TLN2: variants seen among roughly 807,000 people sequenced by gnomAD.
TLN2 encodes the protein talin-2.
Under a neutral mutation model 294.7 loss-of-function variants are expected in TLN2, and 118 were observed. The ratio of observed to expected loss-of-function variants is 0.40; its 90% CI spans 0.34 to 0.47. The LOEUF is 0.47. Among genes scored for constraint, TLN2 ranks in the 20% least tolerant of loss-of-function variants. TLN2 has a pLI of 0.84. For synonymous variants in TLN2, 1,431 were observed against 1,304.5 expected (o/e 1.10, Z -2.09); for missense variants, 3,083 against 3,282.2 (o/e 0.94, Z 1.48).
chr15:62,729,116 T>C (rs11852529), intron 28 of TLN2, among the ~76,000 whole-genome samples: 15,887 of 152,258 alleles, frequency 0.1, 1,177 homozygotes, highest in Admixed American at 0.22. Context: ...CAATGATCTT[T>C]AGTGTCACTC....
chr15:62,703,648 C>CAGAG (rs1354870150), intron 19 of TLN2, among the ~76,000 whole-genome samples: 1 of 143,904 alleles, frequency 6.9e-6, no homozygotes, highest in African/African-American at 2.6e-5. Flanking sequence ...CACACACACA[C>CAGAG]ACAGAGAAAG....
chr15:62,424,484 A>G (rs8033346), intron 1 of TLN2, among the ~76,000 whole-genome samples: 2,439 of 152,180 alleles, frequency 0.016, 65 homozygotes, highest in African/African-American at 0.056. Flanking sequence ...GTCTGTGTAC[A>G]CGCACCTCCA....
chr15:62,781,734 A>C (rs1432044827), intron 44 of TLN2, among the ~76,000 whole-genome samples: 1 of 152,178 alleles, frequency 6.6e-6, no homozygotes, highest in Non-Finnish European at 1.5e-5. Flanking sequence ...AAAATGAAAC[A>C]GTATGGTTAT....
chr15:62,438,897 G>A lies in TLN2; in HGVS notation c.-238+48212G>A, dbSNP rs995351154. On this transcript the variant is annotated intron_variant, in intron 1 of 58. Coordinates refer to ENST00000636159, the MANE Select transcript of TLN2 (RefSeq NM_015059.3). ...AGCTGTGCTAGCACATGCTGGACTCGGATTAAAGTCATACTTCCTACTCTT... is the reference window on the plus strand; with the variant it reads ...AGCTGTGCTAGCACATGCTGGACTCAGATTAAAGTCATACTTCCTACTCTT... 8.5e-5 allele frequency among the ~76,000 whole-genome samples: 13 copies of A among 152,074 alleles called. No individual in the cohort carries two copies. The South Asian group carries it at 2.1e-3, about 24-fold the overall frequency.
rs545555336 is a variant in TLN2, at chr15:62,792,658, C to T, written c.5754C>T (p.Arg1918=). Residue 1918 remains arginine, a synonymous_variant, in exon 46 of 59, where the codon CGC becomes CGT. Transcript: ENST00000636159. The stretch of plus-strand genomic sequence containing the variant: ...CTCTGCAGATCGGATTCCAGATTCG[C>T]ACTCGTGTGCAGGACCTGGGCCACG... The part of the protein sequence containing the change: ...AEPEEIGFQI[R]TRVQDLGHGC... 2.6e-5 allele frequency: 42 copies of T among 1,613,566 alleles called. No individual in the cohort carries two copies. In the East Asian group the frequency reaches 8.5e-4, roughly 33 times the overall value.
intron 33 of TLN2, among the ~76,000 whole-genome samples, chr15:62,748,835 T>C (rs1487946351): frequency 6.6e-6 from 1 of 152,180 alleles, no homozygotes; most frequent in African/African-American, 2.4e-5. Flanking sequence ...GAGGCTGAGA[T>C]AGGTGTTCTT....
At position 62,827,711 on chromosome 15, in the gene TLN2, A is replaced by G. The variant is rs112011244; in HGVS notation, c.7003-5793A>G. The G allele has an allele frequency of 3.3e-3, 504 of 152,352 alleles. 5 individuals carry two copies. The highest frequency in any genetic ancestry group is 0.012 in the African/African-American group (483 of 41,576). 9.4% of individuals were successfully genotyped at this position (152,352 alleles called of 1,614,324 possible). ...ATTTTTATTGGAATTATGGATACATAACAGGGTTTAGACAGAGAAACAGAT... is the reference window on the plus strand; with the variant it reads ...ATTTTTATTGGAATTATGGATACATGACAGGGTTTAGACAGAGAAACAGAT... On this transcript the variant is annotated intron_variant, in intron 54 of 58. Transcript: ENST00000636159.
intron 1 of TLN2, among the ~76,000 whole-genome samples, chr15:62,562,603 G>A (rs376147184): frequency 1.1e-4 from 17 of 151,706 alleles, no homozygotes; most frequent in Admixed American, 3.3e-4. Context: ...ACATGAATAA[G>A]TTCTTTAGTG....
chr15:62,682,279 C>T (rs752642356), intron 11 of TLN2, among the ~76,000 whole-genome samples: 3 of 152,172 alleles, frequency 2.0e-5, no homozygotes, highest in Non-Finnish European at 2.9e-5. Context: ...TAATTTTTCT[C>T]GCACAAAATA....
At chr15:62,421,926 C>A (rs1472493285) in intron 1 of TLN2, among the ~76,000 whole-genome samples, 2 of 152,008 alleles carry the variant, frequency 1.3e-5, no homozygotes, top group African/African-American at 2.4e-5. Context: ...GGAATTATTA[C>A]TGCATTGGAT....
intron 11 of TLN2, among the ~76,000 whole-genome samples, chr15:62,677,467 A>G (rs192593072): frequency 3.9e-5 from 6 of 152,372 alleles, no homozygotes; most frequent in Admixed American, 3.9e-4. Flanking sequence ...GTAATTAGGA[A>G]GAGAAGTTGA....
chr15:62,683,091 A>T (rs975742649), intron 11 of TLN2: 14 of 152,270 alleles, frequency 9.2e-5, no homozygotes, highest in African/African-American at 3.4e-4. Context: ...ACAGAGTAAA[A>T]CATGCAAACC....
At chr15:62,452,339 T>C (rs544910793) in intron 1 of TLN2, among the ~76,000 whole-genome samples, 2 of 152,280 alleles carry the variant, frequency 1.3e-5, no homozygotes, top group African/African-American at 4.8e-5. Flanking sequence ...AGGTTCTTAG[T>C]AGATACCTAT....
At chr15:62,624,394 C>G (rs2049090379) in intron 3 of TLN2, among the ~76,000 whole-genome samples, 1 of 152,198 alleles carries the variant, frequency 6.6e-6, no homozygotes, top group Admixed American at 6.5e-5. Context: ...TGAATCCCAT[C>G]CTAGGTCCCT....
chr15:62,527,752 ACT>A (rs1226481831), intron 1 of TLN2, among the ~76,000 whole-genome samples: 2 of 152,230 alleles, frequency 1.3e-5, no homozygotes, highest in Non-Finnish European at 2.9e-5. Flanking sequence ...GGTCTTATCC[ACT>A]GCCAGCCTCT....
At chr15:62,399,997 T>A (rs770190721) in intron 1 of TLN2, among the ~76,000 whole-genome samples, 8 of 152,196 alleles carry the variant, frequency 5.3e-5, no homozygotes, top group Non-Finnish European at 1.0e-4. Flanking sequence ...TTTGGCTGTG[T>A]CCTCACGCAA....
rs532865926 is a variant in TLN2, at chr15:62,675,458, T to C, written c.957+137T>C. The stretch of plus-strand genomic sequence containing the variant: ...GTGGAACATCTGGCTAGTGCTGACC[T>C]GCGTTTAGCTGCCGCACAGGCATGA... On this transcript the variant is annotated intron_variant, in intron 11 of 58. Transcript: ENST00000636159. The C allele has an allele frequency of 4.9e-4, 384 of 779,460 alleles. 1 individual carries two copies. Among genetic ancestry groups the C allele is most frequent in the East Asian group, 4.7e-3 (175 of 36,850 alleles). The allele number at this position is 779,460 out of a possible 1,614,324, so 48.3% of individuals were successfully genotyped here.
intron 28 of TLN2, among the ~76,000 whole-genome samples, chr15:62,736,113 C>G (rs961467890): frequency 6.6e-6 from 1 of 152,008 alleles, no homozygotes; most frequent in Non-Finnish European, 1.5e-5. Flanking sequence ...GAGATCGAGA[C>G]CATCCTGGCT....
At position 62,702,784 on chromosome 15, in the gene TLN2, ACTG is replaced by A; in HGVS notation, c.1931_1933del (p.Ala644del). On this transcript the variant is annotated inframe_deletion, in exon 19 of 59. Coordinates refer to ENST00000636159, the MANE Select transcript of TLN2 (RefSeq NM_015059.3). Reference sequence around the variant, plus strand: ...TTCACAGCCTCGACAGACAGTTTTGACTGCTGCTGGCAGCATCGGACAAGCCAG... The same window carrying A: ...TTCACAGCCTCGACAGACAGTTTTGACTGCTGGCAGCATCGGACAAGCCAG... 6.2e-7 allele frequency: 1 copy of A among 1,614,178 alleles called. No homozygotes were observed. Among genetic ancestry groups the A allele is most frequent in the Non-Finnish European group, 8.5e-7 (1 of 1,180,014 alleles).
Sources: allele counts gnomAD v4.1 joint callset (sites outside exome capture counted in the v4.1 genomes callset), GRCh38; gene constraint gnomAD v4.1.1; transcripts MANE v1.5; gene names NCBI Gene and HGNC (gene_info 2026-07-23, HGNC 2026-07-21).